Variants in CLUH observed in about 807,000 individuals in gnomAD.
CLUH encodes the protein clustered mitochondria protein homolog.
CLUH carries 77 observed loss-of-function variants against 139.3 expected under a neutral mutation model. The observed-to-expected ratio is 0.55, with a 90% CI of 0.46 to 0.67. The LOEUF (loss-of-function observed/expected upper bound fraction) is 0.67, where lower values mean the gene tolerates loss of function less well. Ranked by LOEUF, CLUH falls within the 30% of genes least tolerant of loss-of-function variation. The probability of loss-of-function intolerance (pLI) is 0.00; values close to 1 mark genes in which losing one functional copy is unlikely to be tolerated. For synonymous variants in CLUH, 999 were observed against 801.6 expected (o/e 1.25, Z -4.16); for missense variants, 1,876 against 1,875.8 (o/e 1.00, Z 0.00).
intron 7 of CLUH, 120 bp from the exon 8 acceptor site, chr17:2,700,945 A>G: frequency 3.5e-6 from 5 of 1,434,334 alleles, no homozygotes; most frequent in African/African-American, 1.4e-5. Flanking sequence ...ACTGCCCTGG[A>G]GCCAGATGGA....
chr17:2,699,500 G>C (rs1427235887), intron 9 of CLUH, among the ~76,000 whole-genome samples: 3 of 151,526 alleles, frequency 2.0e-5, no homozygotes, highest in South Asian at 2.1e-4. Flanking sequence ...CTAATCTTTT[G>C]TATTTTTTGC....
chr17:2,697,348 G>A (rs888560069), intron 10 of CLUH, among the ~76,000 whole-genome samples: 28 of 151,740 alleles, frequency 1.8e-4, no homozygotes, highest in Middle Eastern at 3.2e-3. Context: ...GCGGTGAGCC[G>A]GGATCGTGCC....
At chr17:2,708,934 C>T (rs2070433342) in intron 1 of CLUH, among the ~76,000 whole-genome samples, 1 of 152,112 alleles carries the variant, frequency 6.6e-6, no homozygotes, top group African/African-American at 2.4e-5. Flanking sequence ...AATACTCCCT[C>T]CTCTCATAGT....
At position 2,696,324 on chromosome 17, in the gene CLUH, C is replaced by G. The variant is rs140166456; in HGVS notation, c.2291-65G>C. The G allele has an allele frequency of 1.0e-4, 153 of 1,501,694 alleles. 1 individual carries two copies. Among genetic ancestry groups the G allele is most frequent in the Non-Finnish European group, 3.6e-6 (4 of 1,102,934 alleles). 93.0% of individuals were successfully genotyped at this position (1,501,694 alleles called of 1,614,324 possible). ...CAAGACAAATGCCGCCTGGCGCTGG[C>G]GGGGGAAGCGCTCAGATGGGGGACA... On this transcript the variant is annotated intron_variant, in intron 12 of 25. Coordinates refer to ENST00000651024, the MANE Select transcript of CLUH (RefSeq NM_001366661.1).
In CLUH at chr17:2,694,541, TC is replaced by T; in HGVS notation, c.2875del (p.Glu959ArgfsTer8). The T allele has an allele frequency of 6.3e-7, 1 of 1,581,234 alleles. No homozygotes were observed. Among genetic ancestry groups the T allele is most frequent in the African/African-American group, 1.3e-5 (1 of 74,394 alleles). On this transcript the variant is annotated frameshift_variant, in exon 17 of 26. Transcript: ENST00000651024. LOFTEE classifies it high-confidence loss of function. ...LECETVDQAV[E>X]TYGLQKITLL... ...CGTTATCTTCTGCAGGCCGTAGGTC[TC>T]CACAGCCTGGTCCACGGTCTCACTG...
At chr17:2,696,345 G>T in intron 12 of CLUH, 86 bp from the exon 13 acceptor site, 1 of 1,505,364 alleles carries the variant, frequency 6.6e-7, no homozygotes, top group Non-Finnish European at 9.0e-7. Context: ...CTCAGATGGG[G>T]GACAAACCCA....
intron 25 of CLUH, 111 bp downstream of exon 25, chr17:2,691,498 C>A (rs1410914047): frequency 1.3e-5 from 14 of 1,078,202 alleles, no homozygotes; most frequent in Non-Finnish European, 1.9e-5. Flanking sequence ...GAGGCGGAGG[C>A]TGCAGTGAGC....
chr17:2,710,453 G>A (rs892395258), intron 1 of CLUH, among the ~76,000 whole-genome samples: 2 of 152,220 alleles, frequency 1.3e-5, no homozygotes, highest in Non-Finnish European at 2.9e-5. Flanking sequence ...CAGCCCTGGC[G>A]CACTCACTGA....
intron 19 of CLUH, among the ~76,000 whole-genome samples, chr17:2,693,167 G>A (rs1466052405): frequency 1.2e-5 from 1 of 86,954 alleles, no homozygotes; most frequent in South Asian, 5.0e-4. Context: ...GCCTGAGCAG[G>A]GGTGGGTCCC....
At chr17:2,697,156 T>G (rs897319132) in intron 10 of CLUH, among the ~76,000 whole-genome samples, 3 of 152,144 alleles carry the variant, frequency 2.0e-5, no homozygotes, top group African/African-American at 4.8e-5. Flanking sequence ...TCCCAGCACT[T>G]TGAGGACGAG....
rs748663843 is a variant in CLUH, at chr17:2,701,179, G to A, written c.986C>T (p.Pro329Leu). Residue 329 changes from proline (P) to leucine (L), a missense_variant, in exon 7 of 26, where the codon CCG (proline) becomes CTG (leucine). By Grantham distance (98) the Pro-to-Leu change is moderately conservative. Transcript: ENST00000651024. ...CACAGCGAAGTTCTTCTTGAAGGTC[G>A]GGCTGATCTGGTTGAGCAGCTCCAC... Reference protein sequence around the residue: ...SLVELLNQISPTFKKNFAVLQ... With the variant: ...SLVELLNQISLTFKKNFAVLQ... 14 of 1,613,980 alleles carry A rather than the reference G, an allele frequency of 8.7e-6. No individual in the cohort carries two copies. Among genetic ancestry groups the A allele is most frequent in the East Asian group, 2.2e-5 (1 of 44,880 alleles).
chr17:2,701,116 G>A (rs2070162057), intron 7 of CLUH, 24 bp downstream of exon 7: 1 of 1,613,572 alleles, frequency 6.2e-7, no homozygotes, highest in East Asian at 2.2e-5. Context: ...CATGAGACAA[G>A]GCGGGAGGGG....
rs375939467 is a variant in CLUH, at chr17:2,696,418, G to A, written c.2290+16C>T. 1.6e-5 allele frequency: 25 copies of A among 1,568,444 alleles called. No individual in the cohort carries two copies. The highest frequency in any genetic ancestry group is 2.0e-5 in the Non-Finnish European group (23 of 1,157,844). On this transcript the variant is annotated intron_variant, in intron 12 of 25. Transcript: ENST00000651024. ...GCCCTGGAGGGCTCCTGCGCTGGCC[G>A]GCCCCCACCACCTGCCTGGTGAGAA...
chr17:2,704,370 A>G lies in CLUH; in HGVS notation c.295T>C (p.Ser99Pro), dbSNP rs557751325. The G allele has an allele frequency of 3.7e-6, 6 of 1,610,482 alleles. No individual in the cohort carries two copies. The African/African-American group carries it at 6.7e-5, about 18-fold the overall frequency. ...CCGTTCCTCCATCTTACCTGCAGGGAGAAGGGCTCGATCCCAGGGGCGAGG... is the reference window on the plus strand; with the variant it reads ...CCGTTCCTCCATCTTACCTGCAGGGGGAAGGGCTCGATCCCAGGGGCGAGG... The part of the protein sequence containing the change: ...KILAPGIEPF[S>P]LQVSPQEMVQ... Residue 99 changes from serine to proline, a missense_variant, in exon 2 of 26, where the codon TCC (serine) becomes CCC (proline). By Grantham distance (74) the Ser-to-Pro change is moderately conservative. This residue lies in a region of CLUH where 152 missense variants were observed against 136.7 expected (regional missense o/e 1.11). Coordinates refer to ENST00000651024, the MANE Select transcript of CLUH (RefSeq NM_001366661.1). The surrounding 1 kb of genome is among the most constrained non-coding windows in gnomAD (Gnocchi z 5.7).
At position 2,698,869 on chromosome 17, in the gene CLUH, C is replaced by T. The variant is rs1295689099; in HGVS notation, c.1267-279G>A. Among the ~76,000 whole-genome samples the T allele has an allele frequency of 9.9e-5, 15 of 152,162 alleles. No individual in the cohort carries two copies. In the South Asian group the frequency reaches 2.3e-3, roughly 23 times the overall value. On this transcript the variant is annotated intron_variant, in intron 9 of 25. Transcript: ENST00000651024. The stretch of plus-strand genomic sequence containing the variant: ...GACCAGCCTGACCAATATGGTGAAA[C>T]CCCATCTCTAATAAAAATACAAAAA...
chr17:2,691,951 GCCCCGCCACGCCC>G (rs1174207931), intron 23 of CLUH, 40 bp downstream of exon 23: 1 of 1,098,524 alleles, frequency 9.1e-7, no homozygotes. Flanking sequence ...CCCCGCCCCC[GCCCCGCCACGCCC>G]CCGCCCCGCC....
intron 9 of CLUH, 34 bp from the exon 10 acceptor site, chr17:2,698,624 C>A: frequency 6.6e-7 from 1 of 1,520,248 alleles, no homozygotes; most frequent in South Asian, 1.2e-5. Flanking sequence ...GGTTAGAGGC[C>A]GCGCCCACAA....
chr17:2,694,822 TCCCA>T, intron 16 of CLUH, 31 bp downstream of exon 16: 17 of 1,346,126 alleles, frequency 1.3e-5, no homozygotes, highest in Non-Finnish European at 1.7e-5. Flanking sequence ...ATCTGCCCAA[TCCCA>T]CCCACCCCAC....
chr17:2,701,563 G>C, intron 5 of CLUH, 43 bp from the exon 6 acceptor site: 1 of 1,612,098 alleles, frequency 6.2e-7, no homozygotes, highest in Non-Finnish European at 8.5e-7. Context: ...CTCTGGTGTG[G>C]GGCCTCCACC....
Sources: allele counts gnomAD v4.1 joint callset (sites outside exome capture counted in the v4.1 genomes callset), GRCh38; gene constraint gnomAD v4.1.1; regional missense constraint gnomAD v4.1.1; non-coding constraint Gnocchi (gnomAD v3.1); transcripts MANE v1.5; gene names NCBI Gene and HGNC (gene_info 2026-07-23, HGNC 2026-07-21).